Variants in PRKN observed in about 807,000 individuals in gnomAD.
PRKN encodes the protein parkin RBR E3 ubiquitin protein ligase.
In PRKN, 56 loss-of-function variants were observed where a neutral mutation model predicts 59.5. The ratio of observed to expected loss-of-function variants is 0.94; its 90% confidence interval spans 0.76 to 1.18. The LOEUF (loss-of-function observed/expected upper bound fraction) is 1.18, where lower values mean the gene tolerates loss of function less well. PRKN is among the 50% of genes most tolerant of loss of function. The pLI is 0.00. For synonymous variants in PRKN, 250 were observed against 222.1 expected, an observed-to-expected ratio of 1.13 and a Z score of -1.12; for missense variants, 657 against 596.4, an observed-to-expected ratio of 1.10 and a Z score of -1.06.
At chr6:162,371,684 T>C (rs1309059069) in intron 2 of PRKN, among the ~76,000 whole-genome samples, 9 of 152,164 alleles carry the variant, frequency 5.9e-5, no homozygotes, top group East Asian at 5.8e-4. Context: ...TCCACAATGG[T>C]ACTCAATGGT....
At chr6:161,719,689 C>T (rs1787137322) in intron 7 of PRKN, among the ~76,000 whole-genome samples, 1 of 152,198 alleles carries the variant, frequency 6.6e-6, no homozygotes, top group African/African-American at 2.4e-5. Flanking sequence ...TCATGTAATA[C>T]TGCCTGATGA....
At chr6:161,707,578 C>A (rs1786557414) in intron 7 of PRKN, among the ~76,000 whole-genome samples, 1 of 152,162 alleles carries the variant, frequency 6.6e-6, no homozygotes, top group African/African-American at 2.4e-5. Context: ...AAATGTCACA[C>A]TTTGAACAGC....
intron 6 of PRKN, among the ~76,000 whole-genome samples, chr6:161,824,700 G>GA (rs1278165995): frequency 3.3e-5 from 5 of 152,142 alleles, no homozygotes; most frequent in Admixed American, 3.3e-4. Context: ...TACTAATAAT[G>GA]AACTGCGTGT....
At chr6:161,772,614 T>C (rs543711841) in intron 7 of PRKN, among the ~76,000 whole-genome samples, 2 of 152,156 alleles carry the variant, frequency 1.3e-5, no homozygotes, top group East Asian at 1.9e-4. Flanking sequence ...CAAACAAATA[T>C]AAGACGCACT....
chr6:161,639,764 CAGTT>C (rs1783669355), intron 7 of PRKN, among the ~76,000 whole-genome samples: 1 of 152,192 alleles, frequency 6.6e-6, no homozygotes, highest in Admixed American at 6.5e-5. Context: ...AACTCTGTCT[CAGTT>C]GGTTCAGAAC....
Position 161,475,142 on chromosome 6 carries a change from G to A in PRKN, c.1083+73712C>T, listed in dbSNP as rs1791003731. Among the ~76,000 whole-genome samples, 1 of 152,142 alleles carries A rather than the reference G, an allele frequency of 6.6e-6. No homozygotes were observed. The highest frequency in any genetic ancestry group is 2.4e-5 in the African/African-American group (1 of 41,430). On this transcript the variant is annotated intron_variant, in intron 9 of 11. Coordinates refer to ENST00000366898, the MANE Select transcript of PRKN (RefSeq NM_004562.3). The surrounding 1 kb of genome is among the most constrained non-coding windows in gnomAD (Gnocchi z 5.3). ...GATCTCTTGACCTCATGATCTGCCT[G>A]CCTCTCAAAGCGCTGGGATTGCAGG...
chr6:162,220,880 C>T (rs995062166), intron 3 of PRKN, among the ~76,000 whole-genome samples: 22 of 152,198 alleles, frequency 1.4e-4, no homozygotes, highest in Admixed American at 1.4e-3. Flanking sequence ...TCCCAATAAA[C>T]GTTACAATTC....
intron 2 of PRKN, among the ~76,000 whole-genome samples, chr6:162,424,082 A>G (rs1789107306): frequency 6.6e-6 from 1 of 152,198 alleles, no homozygotes; most frequent in South Asian, 2.1e-4. Flanking sequence ...GCAAAAAAAG[A>G]TATATGTGAC....
intron 6 of PRKN, among the ~76,000 whole-genome samples, chr6:161,861,572 T>G (rs1229203781): frequency 6.8e-6 from 1 of 147,948 alleles, no homozygotes; most frequent in African/African-American, 2.5e-5. Flanking sequence ...TGCACATGTA[T>G]CCCAGAACTT....
At chr6:162,217,963 C>G (rs189753315) in intron 3 of PRKN, among the ~76,000 whole-genome samples, 1 of 152,220 alleles carries the variant, frequency 6.6e-6, no homozygotes, top group Non-Finnish European at 1.5e-5. Flanking sequence ...GGCAGGATCT[C>G]TATGCAAAAG....
chr6:161,866,302 G>A (rs577604588), intron 6 of PRKN, among the ~76,000 whole-genome samples: 11 of 152,198 alleles, frequency 7.2e-5, no homozygotes, highest in South Asian at 4.1e-4. Flanking sequence ...TTGGCCAGGC[G>A]CAGTGACTCA....
intron 4 of PRKN, among the ~76,000 whole-genome samples, chr6:162,194,696 T>G (rs933241370): frequency 1.6e-4 from 25 of 152,298 alleles, no homozygotes; most frequent in Non-Finnish European, 2.6e-4. Context: ...TCCTTTTTTA[T>G]ATGTTTATTT....
At chr6:161,719,307 AAGG>A (rs1403328617) in intron 7 of PRKN, among the ~76,000 whole-genome samples, 1 of 152,084 alleles carries the variant, frequency 6.6e-6, no homozygotes, top group Non-Finnish European at 1.5e-5. Context: ...AGGAAGGAAA[AAGG>A]AGAAGAGAGG....
rs1236436284 is a variant in PRKN at position 161,456,583 on chromosome 6, C to A, written c.1084-69706G>T. 6.6e-6 allele frequency among the ~76,000 whole-genome samples: 1 copy of A among 152,034 alleles called. No homozygotes were observed. The highest frequency in any genetic ancestry group is 6.5e-5 in the Admixed American group (1 of 15,270). ...AATGCCCCTTCATATATTCATCTATCCAATTAGTTCTGTCCCTCTAGAGAA... is the reference window on the plus strand; with the variant it reads ...AATGCCCCTTCATATATTCATCTATACAATTAGTTCTGTCCCTCTAGAGAA... On this transcript the variant is annotated intron_variant, in intron 9 of 11. Transcript: ENST00000366898. The surrounding 1 kb of genome is among the most constrained non-coding windows in gnomAD (Gnocchi z 4.8).
At chr6:162,579,624 TAC>T (rs1353975521) in intron 1 of PRKN, among the ~76,000 whole-genome samples, 1 of 143,314 alleles carries the variant, frequency 7.0e-6, no homozygotes, top group Admixed American at 6.8e-5. Context: ...GATACACACA[TAC>T]ACACAAATTC....
chr6:162,652,525 T>C (rs1205728629), intron 1 of PRKN, among the ~76,000 whole-genome samples: 1 of 152,166 alleles, frequency 6.6e-6, no homozygotes, highest in Non-Finnish European at 1.5e-5. Flanking sequence ...ATTTTAAATT[T>C]AGTTTAAATA....
intron 1 of PRKN, among the ~76,000 whole-genome samples, chr6:162,584,025 A>AAC (rs1302413257): frequency 1.3e-5 from 2 of 152,160 alleles, no homozygotes; most frequent in East Asian, 3.9e-4. Context: ...CATCCTGGCT[A>AAC]ACACGGTGAA....
intron 4 of PRKN, among the ~76,000 whole-genome samples, chr6:162,181,202 G>A (rs542470117): frequency 2.6e-5 from 4 of 152,306 alleles, no homozygotes; most frequent in South Asian, 2.1e-4. Context: ...GTCAGTTCCC[G>A]AAGTTTCATG....
chr6:162,522,679 A>T (rs1285729199), intron 1 of PRKN, among the ~76,000 whole-genome samples: 1 of 152,140 alleles, frequency 6.6e-6, no homozygotes, highest in Non-Finnish European at 1.5e-5. Context: ...ACACCTAACA[A>T]CATCACTGGG....
Sources: gnomAD v4.1 joint callset for allele counts (sites outside exome capture counted in the v4.1 genomes callset) on GRCh38, gnomAD v4.1.1 for gene constraint, Gnocchi (gnomAD v3.1) non-coding constraint, MANE v1.5 for transcripts, NCBI Gene and HGNC (gene_info 2026-07-23, HGNC 2026-07-21) for gene names.